Variants in KCNMA1 observed in about 807,000 individuals in gnomAD.
KCNMA1 encodes the protein Calcium-activated potassium channel subunit alpha-1.
Under a neutral mutation model 140.0 loss-of-function variants are expected in KCNMA1, and 29 were observed. The ratio of observed to expected loss-of-function variants is 0.21; its 90% CI spans 0.15 to 0.28. The LOEUF (loss-of-function observed/expected upper bound fraction) is 0.28. Ranked by LOEUF, KCNMA1 falls within the 10% of genes least tolerant of loss-of-function variation. KCNMA1 has a pLI of 1.00. For synonymous variants in KCNMA1, 612 were observed against 611.9 expected (o/e 1.00, Z 0.00); for missense variants, 880 against 1,602.2 (o/e 0.55, Z 7.70).
chr10:77,032,918 T>C (rs1000134591), intron 15 of KCNMA1, among the ~76,000 whole-genome samples: 3 of 152,142 alleles, frequency 2.0e-5, no homozygotes, highest in African/African-American at 7.2e-5. Context: ...TAATTAAACA[T>C]GGAAACCTGT....
At chr10:77,520,449 G>T (rs559076793) in intron 1 of KCNMA1, among the ~76,000 whole-genome samples, 1 of 152,036 alleles carries the variant, frequency 6.6e-6, no homozygotes, top group Non-Finnish European at 1.5e-5. Flanking sequence ...AGGGGCTGGT[G>T]AGGACTCAAG....
At chr10:77,621,472 T>C (rs909003148) in intron 1 of KCNMA1, among the ~76,000 whole-genome samples, 2 of 152,072 alleles carry the variant, frequency 1.3e-5, no homozygotes, top group Non-Finnish European at 1.5e-5. Context: ...CAAACTTTGC[T>C]GGTCCCCCAT....
intron 1 of KCNMA1, among the ~76,000 whole-genome samples, chr10:77,496,600 A>AG (rs1328403551): frequency 9.8e-6 from 1 of 102,072 alleles, no homozygotes; most frequent in Non-Finnish European, 1.7e-5. Flanking sequence ...CTGTCTCAAA[A>AG]AAAAAAAAAA....
intron 2 of KCNMA1, among the ~76,000 whole-genome samples, chr10:77,262,102 C>T (rs2062171665): frequency 6.6e-6 from 1 of 152,126 alleles, no homozygotes; most frequent in South Asian, 2.1e-4. Flanking sequence ...AAAGCTGGGA[C>T]TCAAACAAAT....
downstream of KCNMA1, chr10:76,877,702 G>T: frequency 6.5e-7 from 1 of 1,542,614 alleles, no homozygotes; most frequent in Non-Finnish European, 8.8e-7. Context: ...TATGAAGTTT[G>T]TCAGGCTTTA....
chr10:77,031,676 G>C (rs1054615216), intron 15 of KCNMA1, among the ~76,000 whole-genome samples: 12 of 152,230 alleles, frequency 7.9e-5, no homozygotes, highest in Admixed American at 6.5e-4. Flanking sequence ...TCCTGTTGCA[G>C]AGATGCAGCC....
chr10:77,212,233 G>A (rs2046312344), intron 3 of KCNMA1, among the ~76,000 whole-genome samples: 1 of 152,136 alleles, frequency 6.6e-6, no homozygotes, highest in African/African-American at 2.4e-5. Context: ...TAAAGAAAAT[G>A]TGGTACATAC....
At chr10:77,072,706 C>T (rs956415456) in intron 14 of KCNMA1, among the ~76,000 whole-genome samples, 1 of 152,134 alleles carries the variant, frequency 6.6e-6, no homozygotes, top group Admixed American at 6.5e-5. Flanking sequence ...CTGCATTTAT[C>T]CACACAGTGA....
chr10:77,240,680 AAC>A (rs1246892498), intron 3 of KCNMA1, among the ~76,000 whole-genome samples: 2 of 152,202 alleles, frequency 1.3e-5, no homozygotes, highest in African/African-American at 4.8e-5. Context: ...TCCTCTTTGA[AAC>A]ACAGGAAGAT....
At chr10:76,957,021 G>A (rs35799695) in intron 20 of KCNMA1, among the ~76,000 whole-genome samples, 36,306 of 151,088 alleles carry the variant, frequency 0.24, 4,556 homozygotes, top group East Asian at 0.47. Flanking sequence ...TACTCTACTC[G>A]GGAGGCTGAG....
intron 3 of KCNMA1, among the ~76,000 whole-genome samples, chr10:77,186,360 TCAAAAAAAAACAAAAAA>T (rs1174724821): frequency 7.0e-6 from 1 of 142,132 alleles, no homozygotes; most frequent in African/African-American, 2.6e-5. Context: ...GAAAAACAGT[TCAAAAAAAAACAAAAAA>T]CAAAAAAAAA....
chr10:77,082,950 T>C (rs1012627021), intron 12 of KCNMA1, among the ~76,000 whole-genome samples: 7 of 152,078 alleles, frequency 4.6e-5, no homozygotes, highest in African/African-American at 9.7e-5. Flanking sequence ...ACCTCACTGA[T>C]GGGGAAGCTC....
rs1064797146 is a variant in KCNMA1 at position 77,637,520 on chromosome 10, G to A, written c.123C>T (p.Ser41=). 1 of 1,563,798 alleles carries A rather than the reference G, an allele frequency of 6.4e-7. No homozygotes were observed. Among genetic ancestry groups the A allele is most frequent in the Non-Finnish European group, 8.7e-7 (1 of 1,149,110 alleles). ...ANHLSLDASS[S]SSSSSSSSSS... The stretch of plus-strand genomic sequence containing the variant: ...AAGAAGAGGAAGAGGAGGAGGAGGA[G>A]GAGGAGGACGCGTCTAGGCTGAGAT... Residue 41 remains serine (S), a synonymous_variant, in exon 1 of 28, where the codon TCC becomes TCT. Coordinates refer to ENST00000286628, the MANE Select transcript of KCNMA1 (RefSeq NM_001161352.2).
intron 22 of KCNMA1, among the ~76,000 whole-genome samples, chr10:76,946,028 TA>T (rs2063846893): frequency 6.6e-6 from 1 of 152,076 alleles, no homozygotes. Context: ...CAGGTACATT[TA>T]AAAAATAAAT....
intron 23 of KCNMA1, among the ~76,000 whole-genome samples, chr10:76,919,099 C>T (rs2054252013): frequency 2.6e-5 from 4 of 152,084 alleles, no homozygotes; most frequent in South Asian, 2.1e-4. Context: ...TATGTGGGAG[C>T]TATGCTATGG....
chr10:76,890,584 A>G (rs2039549516), intron 26 of KCNMA1, among the ~76,000 whole-genome samples: 1 of 152,258 alleles, frequency 6.6e-6, no homozygotes, highest in South Asian at 2.1e-4. Context: ...GAAAGTATGC[A>G]GCACTGTTTC....
chr10:76,890,164 GA>G (rs1191185709), intron 26 of KCNMA1, among the ~76,000 whole-genome samples: 1 of 152,182 alleles, frequency 6.6e-6, no homozygotes, highest in East Asian at 1.9e-4. Context: ...TCTGCAGGCT[GA>G]ATAACTAGGA....
chr10:77,405,352 C>G (rs375781781), intron 1 of KCNMA1, among the ~76,000 whole-genome samples: 13 of 152,320 alleles, frequency 8.5e-5, no homozygotes, highest in African/African-American at 2.9e-4. Flanking sequence ...TACTGTCTGC[C>G]TTCCCCACTG....
chr10:77,460,564 A>G (rs1298286133), intron 1 of KCNMA1, among the ~76,000 whole-genome samples: 1 of 150,712 alleles, frequency 6.6e-6, no homozygotes, highest in Non-Finnish European at 1.5e-5. Context: ...CACGCACACC[A>G]TGGAATATTA....
Sources: allele counts gnomAD v4.1 joint callset (sites outside exome capture counted in the v4.1 genomes callset), GRCh38; gene constraint gnomAD v4.1.1; transcripts MANE v1.5; gene names NCBI Gene and HGNC (gene_info 2026-07-23, HGNC 2026-07-21).